Variants in ZMYM2 observed in about 807,000 individuals in gnomAD.
ZMYM2 encodes zinc finger MYM-type containing 2.
ZMYM2 carries 56 observed loss-of-function variants against 162.8 expected under a neutral mutation model. That is an observed-to-expected ratio of 0.34 (90% CI 0.28 to 0.43). ZMYM2 has a LOEUF of 0.43. Ranked by LOEUF, ZMYM2 falls within the 20% of genes least tolerant of loss-of-function variation. The pLI is 1.00. For synonymous variants in ZMYM2, 510 were observed against 541.6 expected, an observed-to-expected ratio of 0.94 and a Z score of 0.81; for missense variants, 1,275 against 1,621.8, an observed-to-expected ratio of 0.79 and a Z score of 3.67.
intron 2 of ZMYM2, among the ~76,000 whole-genome samples, chr13:19,967,480 G>C (rs934565909): frequency 1.2e-4 from 18 of 152,212 alleles, no homozygotes; most frequent in Non-Finnish European, 4.4e-5. Context: ...CATGAAGGGA[G>C]TTTTGGGGTG....
the ZMYM2 span, among the ~76,000 whole-genome samples, chr13:19,930,996 A>G: frequency 1.2e-4 from 18 of 151,200 alleles, no homozygotes; most frequent in African/African-American, 3.6e-4. Context: ...AAAATTAGCC[A>G]GGCGCGGTGG....
intron 21 of ZMYM2, chr13:20,071,778 C>G: frequency 5.6e-6 from 1 of 177,962 alleles, no homozygotes; most frequent in Admixed American, 6.3e-5. Flanking sequence ...TCCCTTGATT[C>G]ACCATGAATG....
At chr13:20,034,752 A>G (rs77423643) in intron 11 of ZMYM2, among the ~76,000 whole-genome samples, 1 of 152,182 alleles carries the variant, frequency 6.6e-6, no homozygotes, top group Non-Finnish European at 1.5e-5. Flanking sequence ...TGCCCAGCTT[A>G]CTACCTAACC....
the ZMYM2 span, among the ~76,000 whole-genome samples, chr13:19,941,961 G>C: frequency 2.6e-5 from 4 of 151,714 alleles, no homozygotes; most frequent in Admixed American, 2.6e-4. Context: ...GCCCAGGCTG[G>C]TCTCAATCTC....
At chr13:20,043,996 C>G (rs1336319424) in intron 12 of ZMYM2, among the ~76,000 whole-genome samples, 1 of 152,124 alleles carries the variant, frequency 6.6e-6, no homozygotes, top group Non-Finnish European at 1.5e-5. Flanking sequence ...CAGGTACTTT[C>G]ACACTGGGAC....
chr13:19,866,234 A>G, the ZMYM2 span, among the ~76,000 whole-genome samples: 1 of 124,306 alleles, frequency 8.0e-6, no homozygotes, highest in African/African-American at 2.5e-5. Context: ...AAAAAGAAAA[A>G]CAAAAAACAA....
the ZMYM2 span, among the ~76,000 whole-genome samples, chr13:19,886,399 G>C: frequency 6.6e-6 from 1 of 151,604 alleles, no homozygotes; most frequent in African/African-American, 2.4e-5. Flanking sequence ...CCCGACCTCG[G>C]TGATCTGCCT....
chr13:20,012,190 T>C (rs543255908), intron 6 of ZMYM2, among the ~76,000 whole-genome samples: 1 of 152,016 alleles, frequency 6.6e-6, no homozygotes, highest in South Asian at 2.1e-4. Context: ...TGGTCTTTTT[T>C]TTTTGAGATG....
chr13:20,058,979 A>G, intron 15 of ZMYM2: 1 of 506,996 alleles, frequency 2.0e-6, no homozygotes, highest in Non-Finnish European at 3.6e-6. Flanking sequence ...AAGACTACTA[A>G]AATTATAATG....
At chr13:19,942,829 C>T in the ZMYM2 span, among the ~76,000 whole-genome samples, 1 of 151,934 alleles carries the variant, frequency 6.6e-6, no homozygotes, top group African/African-American at 2.4e-5. Context: ...TATGGATGTA[C>T]GTGATGAGAA....
the ZMYM2 span, among the ~76,000 whole-genome samples, chr13:19,883,093 G>T: frequency 6.6e-6 from 1 of 152,164 alleles, no homozygotes; most frequent in African/African-American, 2.4e-5. Flanking sequence ...ATTTATGTAT[G>T]CTACAACATG....
At chr13:19,964,686 A>G in intron 2 of ZMYM2, among the ~76,000 whole-genome samples, 1 of 151,692 alleles carries the variant, frequency 6.6e-6, no homozygotes, top group South Asian at 2.1e-4. Flanking sequence ...GCCAAGGATT[A>G]GGTTTTTCTC....
Position 20,078,967 on chromosome 13 carries a change from C to G in ZMYM2, c.3454-3049C>G, listed in dbSNP as rs529283410. On this transcript the variant is annotated intron_variant, in intron 21 of 24. Coordinates refer to ENST00000610343, the MANE Select transcript of ZMYM2 (RefSeq NM_197968.4). Reference sequence around the variant, plus strand: ...TTCTCATGTATAGTCCCAAAGAAATCTAAGTGAAATGAGAGACCAGTAACT... The same window carrying G: ...TTCTCATGTATAGTCCCAAAGAAATGTAAGTGAAATGAGAGACCAGTAACT... Among the ~76,000 whole-genome samples, 169 of 151,200 alleles carry G rather than the reference C, an allele frequency of 1.1e-3. 2 individuals are homozygous for G. The highest frequency in any genetic ancestry group is 9.7e-4 in the Non-Finnish European group (66 of 67,844).
At chr13:19,897,298 A>G in the ZMYM2 span, among the ~76,000 whole-genome samples, 1 of 152,206 alleles carries the variant, frequency 6.6e-6, no homozygotes, top group African/African-American at 2.4e-5. Context: ...TAAATAGATT[A>G]AAGTCCCTAG....
At chr13:19,969,444 G>T (rs1956105943) in intron 2 of ZMYM2, among the ~76,000 whole-genome samples, 1 of 152,222 alleles carries the variant, frequency 6.6e-6, no homozygotes, top group Admixed American at 6.5e-5. Context: ...TTACTCAACT[G>T]CAAAGTGGGG....
chr13:19,966,173 T>G (rs1175224794), intron 2 of ZMYM2, among the ~76,000 whole-genome samples: 1 of 151,828 alleles, frequency 6.6e-6, no homozygotes, highest in Non-Finnish European at 1.5e-5. Context: ...TCTCTCTTGT[T>G]GCCCAGGCTG....
At chr13:20,007,388 C>T (rs1051960368) in intron 6 of ZMYM2, among the ~76,000 whole-genome samples, 17 of 152,230 alleles carry the variant, frequency 1.1e-4, no homozygotes, top group African/African-American at 3.9e-4. Context: ...CCACCTGCCT[C>T]AGCCTCCCAA....
At chr13:20,078,679 A>G (rs570713738) in intron 21 of ZMYM2, among the ~76,000 whole-genome samples, 17 of 152,226 alleles carry the variant, frequency 1.1e-4, no homozygotes, top group Non-Finnish European at 1.9e-4. Context: ...GGCCTTTGAA[A>G]TGTGGGTAGT....
chr13:19,882,516 G>T, the ZMYM2 span, among the ~76,000 whole-genome samples: 1 of 152,152 alleles, frequency 6.6e-6, no homozygotes, highest in African/African-American at 2.4e-5. Flanking sequence ...GGAGACTAAG[G>T]TGGGTGGATC....
Sources: allele counts gnomAD v4.1 joint callset (sites outside exome capture counted in the v4.1 genomes callset), GRCh38; gene constraint gnomAD v4.1.1; transcripts MANE v1.5; gene names NCBI Gene and HGNC (gene_info 2026-07-23, HGNC 2026-07-21).